GLMN: variants seen among roughly 807,000 people sequenced by gnomAD.
GLMN encodes the protein glomulin.
A neutral mutation model predicts 87.8 loss-of-function variants in GLMN; 75 were observed. The observed-to-expected ratio is 0.85, with a 90% CI of 0.71 to 1.04. GLMN has a LOEUF of 1.04. Among genes scored for constraint, GLMN ranks in the 50% least tolerant of loss-of-function variants. The probability of loss-of-function intolerance (pLI) is 0.00; values close to 1 mark genes in which losing one functional copy is unlikely to be tolerated. For synonymous variants in GLMN, 206 were observed against 221.6 expected (o/e 0.93, Z 0.63); for missense variants, 588 against 658.8 (o/e 0.89, Z 1.18).
the GLMN span, among the ~76,000 whole-genome samples, chr1:92,331,750 C>G: frequency 6.6e-6 from 1 of 152,158 alleles, no homozygotes; most frequent in East Asian, 1.9e-4. Context: ...GTTTTTCATT[C>G]CTTCTTCTAT....
intron 16 of GLMN, among the ~76,000 whole-genome samples, chr1:92,259,891 G>A (rs539676286): frequency 6.6e-6 from 1 of 151,828 alleles, no homozygotes; most frequent in Admixed American, 6.6e-5. Flanking sequence ...CCGCCACCAT[G>A]CCTGGCTAAT....
At chr1:92,342,570 T>C in the GLMN span, among the ~76,000 whole-genome samples, 2,121 of 152,290 alleles carry the variant, frequency 0.014, 49 homozygotes, top group African/African-American at 0.047. Flanking sequence ...TCATTTTGGC[T>C]GCCAAGTTGA....
chr1:92,268,376 A>G (rs1306130872), intron 9 of GLMN, among the ~76,000 whole-genome samples: 1 of 152,250 alleles, frequency 6.6e-6, no homozygotes, highest in Admixed American at 6.5e-5. Flanking sequence ...TCCTAACTTC[A>G]AAACAATAGA....
At chr1:92,306,874 G>A in the GLMN span, among the ~76,000 whole-genome samples, 1 of 152,132 alleles carries the variant, frequency 6.6e-6, no homozygotes, top group African/African-American at 2.4e-5. Flanking sequence ...TCAAAAAAAT[G>A]TTTAAAAATA....
intron 11 of GLMN, 139 bp downstream of exon 11, chr1:92,267,772 CAA>C (rs1655808211): frequency 1.5e-6 from 1 of 647,870 alleles, no homozygotes; most frequent in Non-Finnish European, 2.8e-6. Context: ...TTCATATTGT[CAA>C]AGTTCTACTG....
chr1:92,341,136 G>A, the GLMN span, among the ~76,000 whole-genome samples: 316 of 152,136 alleles, frequency 2.1e-3, 3 homozygotes, highest in Middle Eastern at 6.8e-3. Flanking sequence ...AGCCTCCTGA[G>A]TAGCTGGGAC....
intron 16 of GLMN, among the ~76,000 whole-genome samples, chr1:92,256,431 C>T (rs1355178302): frequency 1.3e-5 from 2 of 152,136 alleles, no homozygotes; most frequent in African/African-American, 4.8e-5. Flanking sequence ...GATACCAAAA[C>T]CTGGCAGAGA....
chr1:92,307,329 T>G, the GLMN span: 8 of 1,281,596 alleles, frequency 6.2e-6, no homozygotes, highest in African/African-American at 6.0e-5. Flanking sequence ...AATAATTTGT[T>G]TCTGCTTTTT....
At chr1:92,336,791 G>T in the GLMN span, among the ~76,000 whole-genome samples, 1 of 152,092 alleles carries the variant, frequency 6.6e-6, no homozygotes, top group East Asian at 1.9e-4. Context: ...AAGAAACATA[G>T]TGCCACCCTA....
chr1:92,248,080 T>A lies in GLMN; in HGVS notation c.1474-91A>T. On this transcript the variant is annotated intron_variant, in intron 16 of 18. Coordinates refer to ENST00000370360, the MANE Select transcript of GLMN (RefSeq NM_053274.3). ...TAAAAGCTCAAAAAACAAAAATAAATGAAACATGGCCCTTGCTTTTCACAA... is the reference window on the plus strand; with the variant it reads ...TAAAAGCTCAAAAAACAAAAATAAAAGAAACATGGCCCTTGCTTTTCACAA... 6.9e-6 allele frequency: 5 copies of A among 723,008 alleles called. No homozygotes were observed. In the South Asian group the frequency reaches 7.3e-5, roughly 11 times the overall value. The allele number at this position is 723,008 out of a possible 1,614,324, so 44.8% of individuals were successfully genotyped here. A position where few individuals can be genotyped will look rare whatever the true frequency, so the allele number is the denominator to read the frequency against.
intron 16 of GLMN, among the ~76,000 whole-genome samples, chr1:92,255,929 T>C (rs911551126): frequency 1.3e-5 from 2 of 151,968 alleles, no homozygotes; most frequent in African/African-American, 2.4e-5. Context: ...CAACTGGAGA[T>C]AGAGACGCAA....
intron 3 of GLMN, among the ~76,000 whole-genome samples, chr1:92,291,957 A>T (rs1649461113): frequency 6.6e-6 from 1 of 152,166 alleles, no homozygotes; most frequent in Non-Finnish European, 1.5e-5. Context: ...GTAATTTATA[A>T]AAAAAAGAAG....
the GLMN span, among the ~76,000 whole-genome samples, chr1:92,368,659 A>G: frequency 6.6e-6 from 1 of 152,210 alleles, no homozygotes. Flanking sequence ...TGATTCAGTT[A>G]TCTTGCCCAA....
At chr1:92,296,881 T>G (rs548721524) in intron 3 of GLMN, among the ~76,000 whole-genome samples, 2 of 152,338 alleles carry the variant, frequency 1.3e-5, no homozygotes, top group African/African-American at 4.8e-5. Flanking sequence ...TGGAGGAGAA[T>G]GGGCTGATCA....
chr1:92,295,260 A>T (rs1296934863), intron 3 of GLMN, among the ~76,000 whole-genome samples: 1 of 150,490 alleles, frequency 6.6e-6, no homozygotes, highest in Non-Finnish European at 1.5e-5. Flanking sequence ...ATTCTTCAAG[A>T]TGGGATCTTG....
upstream of GLMN, chr1:92,300,125 G>A (rs1349516504): frequency 6.7e-6 from 7 of 1,039,374 alleles, no homozygotes; most frequent in South Asian, 1.3e-5. Flanking sequence ...TTATGAGACC[G>A]CTGTCTGTAT....
the GLMN span, among the ~76,000 whole-genome samples, chr1:92,361,144 C>T: frequency 6.7e-6 from 1 of 149,988 alleles, no homozygotes; most frequent in Non-Finnish European, 1.5e-5. Flanking sequence ...CACACATAAA[C>T]ACACACACAC....
chr1:92,310,376 A>G, the GLMN span, among the ~76,000 whole-genome samples: 1 of 152,222 alleles, frequency 6.6e-6, no homozygotes, highest in Non-Finnish European at 1.5e-5. Context: ...TAGCTATTGC[A>G]CATTTAAGCT....
chr1:92,330,996 T>C, the GLMN span, among the ~76,000 whole-genome samples: 1 of 151,972 alleles, frequency 6.6e-6, no homozygotes, highest in Non-Finnish European at 1.5e-5. Flanking sequence ...ACTGTTGGGG[T>C]GTGGTGGTTT....
Sources: allele counts gnomAD v4.1 joint callset (sites outside exome capture counted in the v4.1 genomes callset), GRCh38; gene constraint gnomAD v4.1.1; transcripts MANE v1.5; gene names NCBI Gene and HGNC (gene_info 2026-07-23, HGNC 2026-07-21).